Variants in PARD3B observed in about 807,000 individuals in gnomAD.
PARD3B encodes partitioning defective 3 homolog B.
In PARD3B, 103 loss-of-function variants were observed where a neutral mutation model predicts 130.2. That is an observed-to-expected ratio of 0.79 (90% CI 0.67 to 0.93). The LOEUF is 0.93. Among genes scored for constraint, PARD3B ranks in the 40% least tolerant of loss-of-function variants. The pLI is 0.00. For missense variants in PARD3B, 1,609 were observed against 1,499.2 expected (o/e 1.07, Z -1.21); for synonymous variants, 583 against 553.2 (o/e 1.05, Z -0.76).
chr2:205,278,469 T>C (rs1861512), intron 16 of PARD3B, among the ~76,000 whole-genome samples: 88,882 of 151,774 alleles, frequency 0.59, 27,013 homozygotes, highest in Admixed American at 0.7. Flanking sequence ...CATTTTGAGG[T>C]TGAGGAAGGA....
intron 18 of PARD3B, among the ~76,000 whole-genome samples, chr2:205,324,307 A>G (rs2042863175): frequency 6.6e-6 from 1 of 152,194 alleles, no homozygotes; most frequent in Admixed American, 6.5e-5. Flanking sequence ...GGTATGCTAA[A>G]ATAAATAAAA....
rs2037077151 is a variant in PARD3B, at chr2:204,686,228, A to G, written c.168A>G (p.Gly56=). The change falls in exon 2 of 23, where the codon GGA becomes GGG. Residue 56 remains glycine (G), a synonymous_variant. Coordinates refer to ENST00000406610, the MANE Select transcript of PARD3B (RefSeq NM_001302769.2). The part of the protein sequence containing the change: ...VKIHHLEYTD[G]GILDPDDVLA... ...TTCATCACTTAGAATATACAGATGG[A>G]GGAATCCTGGATCCAGATGATGTCT... is the stretch of plus-strand genomic sequence containing the variant. 4 of 1,612,784 alleles carry G rather than the reference A, an allele frequency of 2.5e-6. No homozygotes were observed. Among genetic ancestry groups the G allele is most frequent in the African/African-American group, 1.3e-5 (1 of 74,852 alleles).
intron 4 of PARD3B, among the ~76,000 whole-genome samples, chr2:205,051,007 C>T (rs1699153498): frequency 1.3e-5 from 2 of 152,114 alleles, no homozygotes; most frequent in South Asian, 4.1e-4. Flanking sequence ...TGGCACCCTG[C>T]ATATAGCCCT....
chr2:205,120,062 C>A (rs2030489810), intron 7 of PARD3B, among the ~76,000 whole-genome samples: 1 of 151,844 alleles, frequency 6.6e-6, no homozygotes, highest in Non-Finnish European at 1.5e-5. Flanking sequence ...TGTTTGTGGA[C>A]AAAGATGAGT....
intron 2 of PARD3B, among the ~76,000 whole-genome samples, chr2:204,785,287 A>G (rs142635654): frequency 2.6e-5 from 4 of 152,328 alleles, no homozygotes; most frequent in African/African-American, 9.6e-5. Context: ...TAGGAATTAT[A>G]TAAATGCATC....
chr2:204,832,376 A>G (rs917281367), intron 2 of PARD3B, among the ~76,000 whole-genome samples: 2 of 151,972 alleles, frequency 1.3e-5, no homozygotes, highest in African/African-American at 2.4e-5. Context: ...TTTTTTCTGT[A>G]TGGACAAGAA....
chr2:204,633,968 T>A (rs2034783732), intron 1 of PARD3B, among the ~76,000 whole-genome samples: 1 of 152,202 alleles, frequency 6.6e-6, no homozygotes, highest in East Asian at 1.9e-4. Flanking sequence ...CTTCAGGCAC[T>A]TATCCATTGA....
chr2:205,190,164 C>T (rs760148678), intron 14 of PARD3B, among the ~76,000 whole-genome samples: 5 of 152,106 alleles, frequency 3.3e-5, no homozygotes, highest in African/African-American at 7.2e-5. Flanking sequence ...ACTTTTTAAA[C>T]GGGGATTGGG....
At chr2:205,024,370 T>C (rs557206808) in intron 3 of PARD3B, among the ~76,000 whole-genome samples, 2 of 152,138 alleles carry the variant, frequency 1.3e-5, no homozygotes, top group East Asian at 1.9e-4. Context: ...GGTTTTGCCA[T>C]GTTGGGCAAG....
At chr2:205,371,648 A>T (rs2105908963) in intron 18 of PARD3B, among the ~76,000 whole-genome samples, 1 of 152,316 alleles carries the variant, frequency 6.6e-6, no homozygotes, top group Middle Eastern at 3.4e-3. Flanking sequence ...AGATGATATC[A>T]TCATCTCAAA....
chr2:205,099,788 A>T (rs186076533), intron 4 of PARD3B, among the ~76,000 whole-genome samples: 47 of 152,314 alleles, frequency 3.1e-4, no homozygotes, highest in Non-Finnish European at 6.0e-4. Context: ...TATGGAAATG[A>T]TCTTGGCAAG....
At chr2:204,742,847 G>A (rs1374371515) in intron 2 of PARD3B, among the ~76,000 whole-genome samples, 2 of 152,058 alleles carry the variant, frequency 1.3e-5, no homozygotes, top group Admixed American at 6.6e-5. Context: ...AATATGGAGG[G>A]GGTGTTCATA....
chr2:205,355,387 G>A (rs924110441), intron 18 of PARD3B, among the ~76,000 whole-genome samples: 2 of 152,056 alleles, frequency 1.3e-5, no homozygotes, highest in Non-Finnish European at 2.9e-5. Flanking sequence ...AGACTGCAAA[G>A]GTAGTAACAG....
At chr2:204,831,486 T>G (rs924600963) in intron 2 of PARD3B, among the ~76,000 whole-genome samples, 1 of 152,214 alleles carries the variant, frequency 6.6e-6, no homozygotes, top group Non-Finnish European at 1.5e-5. Flanking sequence ...CTGCTCTTAC[T>G]TAAGCACTGC....
chr2:204,557,137 G>A (rs754331971), intron 1 of PARD3B, among the ~76,000 whole-genome samples: 2 of 151,816 alleles, frequency 1.3e-5, no homozygotes, highest in South Asian at 4.2e-4. Context: ...TTCTGGCCTC[G>A]TCCTCCATGG....
In PARD3B at chr2:205,240,984, A is replaced by AT. The variant is rs564848567; in HGVS notation, c.2141-4788dup. On this transcript the variant is annotated intron_variant, in intron 15 of 22. Transcript: ENST00000406610. The stretch of plus-strand genomic sequence containing the variant: ...TCTCAGAGTGCCATCTTTTTCATAG[A>AT]TTTTTTCCCCTGTATTTTCTTTCTC... Among the ~76,000 whole-genome samples the AT allele has an allele frequency of 3.7e-3, 562 of 152,216 alleles. 4 individuals are homozygous for AT. The highest frequency in any genetic ancestry group is 4.6e-3 in the Non-Finnish European group (312 of 67,984).
intron 22 of PARD3B, among the ~76,000 whole-genome samples, chr2:205,586,863 A>G (rs1329333904): frequency 7.9e-5 from 12 of 151,836 alleles, no homozygotes; most frequent in Non-Finnish European, 1.5e-5. Context: ...CCCTGTAGTT[A>G]TTTTTTTTAA....
intron 18 of PARD3B, among the ~76,000 whole-genome samples, chr2:205,391,219 G>T (rs1167400838): frequency 1.3e-5 from 2 of 152,242 alleles, no homozygotes; most frequent in Non-Finnish European, 2.9e-5. Flanking sequence ...GGCAAAGGAG[G>T]TAGAGAAAAG....
rs141261848 is a variant in PARD3B at position 205,193,278 on chromosome 2, C to T, written c.2098C>T (p.Pro700Ser). 5 of 1,613,434 alleles carry T rather than the reference C, an allele frequency of 3.1e-6. No individual in the cohort carries two copies. The highest frequency in any genetic ancestry group is 2.7e-5 in the African/African-American group (2 of 74,886). ...NFRSVTPARQ[P>S]ESINLKASKS... ...CAGATCTGTGACACCGGCCAGGCAG[C>T]CTGAATCAATTAATTTGAAAGCCTC... is the stretch of plus-strand genomic sequence containing the variant. Residue 700 changes from proline to serine, a missense_variant, in exon 15 of 23, where the codon CCT (proline) becomes TCT (serine). Coordinates refer to ENST00000406610, the MANE Select transcript of PARD3B (RefSeq NM_001302769.2).
Sources: gnomAD v4.1 joint callset for allele counts (sites outside exome capture counted in the v4.1 genomes callset) on GRCh38, gnomAD v4.1.1 for gene constraint, MANE v1.5 for transcripts, NCBI Gene and HGNC (gene_info 2026-07-23, HGNC 2026-07-21) for gene names.